The following PPP1R9A variants were observed in gnomAD, a reference collection of about 807,000 sequenced individuals.
The protein encoded by PPP1R9A is neurabin-1.
PPP1R9A carries 59 observed loss-of-function variants against 141.9 expected under a neutral mutation model. That is an observed-to-expected ratio of 0.42 (90% CI 0.34 to 0.52). The LOEUF (loss-of-function observed/expected upper bound fraction) is 0.52, where lower values mean the gene tolerates loss of function less well. Among genes scored for constraint, PPP1R9A ranks in the 20% least tolerant of loss-of-function variants. The pLI is 0.10. For missense variants in PPP1R9A, 1,444 were observed against 1,611.9 expected, an observed-to-expected ratio of 0.90 and a Z score of 1.78; for synonymous variants, 500 against 569.7, an observed-to-expected ratio of 0.88 and a Z score of 1.74.
At position 95,137,353 on chromosome 7, in the gene PPP1R9A, C is replaced by G. The variant is rs190656156; in HGVS notation, c.1649+16521C>G. On this transcript the variant is annotated intron_variant, in intron 4 of 19. Transcript: ENST00000433360. ...TGGGGTGTTTGGTTTTTTGTCCTTGCGATAGTTTGCTGAGAATGATGGTTT... is the reference window on the plus strand; with the variant it reads ...TGGGGTGTTTGGTTTTTTGTCCTTGGGATAGTTTGCTGAGAATGATGGTTT... Among the ~76,000 whole-genome samples, 27 of 132,318 alleles carry G rather than the reference C, an allele frequency of 2.0e-4. No individual in the cohort carries two copies. In the South Asian group the frequency reaches 2.6e-3, roughly 13 times the overall value. The allele number at this position is 132,318 out of a possible 152,430, so 86.8% of individuals were successfully genotyped here. A position where few individuals can be genotyped will look rare whatever the true frequency, so the allele number is the denominator to read the frequency against.
At chr7:94,929,238 C>T (rs1409083726) in intron 2 of PPP1R9A, among the ~76,000 whole-genome samples, 2 of 152,148 alleles carry the variant, frequency 1.3e-5, no homozygotes, top group Non-Finnish European at 2.9e-5. Context: ...TATTAGAATA[C>T]ATCTCCCAAG....
At chr7:95,001,520 A>T (rs899988225) in intron 2 of PPP1R9A, among the ~76,000 whole-genome samples, 2 of 152,216 alleles carry the variant, frequency 1.3e-5, no homozygotes, top group Non-Finnish European at 2.9e-5. Context: ...TGAAAATCTT[A>T]AGAGATCCAA....
intron 3 of PPP1R9A, 39 bp from the exon 4 acceptor site, chr7:95,120,673 T>C: frequency 6.2e-7 from 1 of 1,603,470 alleles, no homozygotes; most frequent in South Asian, 1.1e-5. Context: ...GTGTAAAACT[T>C]AAGTTGTTTC....
In PPP1R9A at chr7:95,022,026, A is replaced by T. The variant is rs539848631; in HGVS notation, c.1396-89233A>T. On this transcript the variant is annotated intron_variant, in intron 2 of 19. Transcript: ENST00000433360. Reference sequence around the variant, plus strand: ...TGTGAAGAAAGTCAATGGTAGCTTGATGGGAATCACACTGAATCTATAAAT... The same window carrying T: ...TGTGAAGAAAGTCAATGGTAGCTTGTTGGGAATCACACTGAATCTATAAAT... Among the ~76,000 whole-genome samples the T allele has an allele frequency of 1.8e-4, 27 of 152,278 alleles. 1 individual carries two copies. The highest frequency in any genetic ancestry group is 6.5e-4 in the Admixed American group (10 of 15,294).
intron 2 of PPP1R9A, among the ~76,000 whole-genome samples, chr7:95,082,766 CTTTTTTT>C (rs1159814204): frequency 2.7e-5 from 3 of 109,506 alleles, no homozygotes; most frequent in East Asian, 3.9e-4. Flanking sequence ...GAAGGGATTT[CTTTTTTT>C]TTTTTTTTTT....
intron 2 of PPP1R9A, among the ~76,000 whole-genome samples, chr7:94,970,750 C>T (rs931557887): frequency 6.6e-6 from 1 of 151,754 alleles, no homozygotes; most frequent in Non-Finnish European, 1.5e-5. Context: ...ATTCTTCTGC[C>T]TCAGTCTCCT....
intron 2 of PPP1R9A, among the ~76,000 whole-genome samples, chr7:95,023,191 C>T (rs1342155070): frequency 1.3e-5 from 2 of 152,050 alleles, no homozygotes; most frequent in African/African-American, 4.8e-5. Flanking sequence ...TCGAATTCTT[C>T]CTTGTTTAGA....
intron 2 of PPP1R9A, among the ~76,000 whole-genome samples, chr7:94,995,942 A>T (rs183343424): frequency 6.6e-6 from 1 of 152,270 alleles, no homozygotes; most frequent in East Asian, 1.9e-4. Flanking sequence ...CACTTAAGTT[A>T]TATAGAAATA....
At chr7:95,239,053 C>CT (rs752911051) in intron 8 of PPP1R9A, among the ~76,000 whole-genome samples, 159 of 151,844 alleles carry the variant, frequency 1.0e-3, no homozygotes, top group Non-Finnish European at 2.0e-3. Flanking sequence ...TCAAGTTTTT[C>CT]TTTTTTTGAA....
At chr7:95,275,881 C>G (rs1363071853) in intron 16 of PPP1R9A, among the ~76,000 whole-genome samples, 1 of 152,078 alleles carries the variant, frequency 6.6e-6, no homozygotes, top group Non-Finnish European at 1.5e-5. Flanking sequence ...TGTGGCTTTC[C>G]TTTATACTGT....
intron 2 of PPP1R9A, among the ~76,000 whole-genome samples, chr7:94,938,061 C>T (rs1265366504): frequency 6.6e-6 from 1 of 152,114 alleles, no homozygotes; most frequent in Non-Finnish European, 1.5e-5. Flanking sequence ...AACAGGGGTC[C>T]TCAGACCCTG....
At chr7:95,218,136 C>T (rs1202152850) in intron 7 of PPP1R9A, among the ~76,000 whole-genome samples, 3 of 151,226 alleles carry the variant, frequency 2.0e-5, no homozygotes, top group Non-Finnish European at 4.4e-5. Context: ...CTACACACTG[C>T]AAATGTGTCC....
At position 95,252,114 on chromosome 7, in the gene PPP1R9A, A is replaced by T; in HGVS notation, c.2649A>T (p.Gln883His). 6.3e-7 allele frequency: 1 copy of T among 1,597,684 alleles called. No individual in the cohort carries two copies. Among genetic ancestry groups the T allele is most frequent in the Non-Finnish European group, 8.5e-7 (1 of 1,175,334 alleles). ...ENLDGKQTSCQDGLSQDLNEA... is the reference protein window; with the variant it reads ...ENLDGKQTSCHDGLSQDLNEA... The stretch of plus-strand genomic sequence containing the variant: ...TGGATGGCAAGCAGACATCTTGCCA[A>T]GATGGCCTAAGTCAAGGTTTGTTTA... Residue 883 changes from glutamine (Q) to histidine (H), a missense_variant, in exon 12 of 20, where the codon CAA becomes CAT. This residue lies in a region of PPP1R9A where 488 missense variants were observed against 542.0 expected (regional missense o/e 0.90). Transcript: ENST00000433360.
intron 8 of PPP1R9A, among the ~76,000 whole-genome samples, chr7:95,229,519 G>A (rs1041561421): frequency 4.6e-5 from 7 of 151,816 alleles, no homozygotes; most frequent in Non-Finnish European, 8.8e-5. Flanking sequence ...CCCTGGTGGC[G>A]TATATGACTC....
intron 2 of PPP1R9A, among the ~76,000 whole-genome samples, chr7:95,023,167 G>A (rs1352460967): frequency 2.0e-5 from 3 of 152,100 alleles, no homozygotes; most frequent in Admixed American, 2.0e-4. Flanking sequence ...CTTGTTATTG[G>A]TCTATTCAGT....
intron 2 of PPP1R9A, among the ~76,000 whole-genome samples, chr7:95,012,164 A>G (rs1804515411): frequency 6.6e-6 from 1 of 152,120 alleles, no homozygotes; most frequent in South Asian, 2.1e-4. Context: ...TAAAGAAAAG[A>G]GGTTTAATTG....
chr7:95,060,383 A>G (rs940060836), intron 2 of PPP1R9A, among the ~76,000 whole-genome samples: 1 of 152,194 alleles, frequency 6.6e-6, no homozygotes, highest in Non-Finnish European at 1.5e-5. Flanking sequence ...TTATGGAACC[A>G]GGGATTAAGG....
At chr7:95,239,973 A>G (rs1797220181) in intron 8 of PPP1R9A, among the ~76,000 whole-genome samples, 1 of 152,066 alleles carries the variant, frequency 6.6e-6, no homozygotes, top group Non-Finnish European at 1.5e-5. Context: ...AGATATTTAC[A>G]ACAGATAGTT....
At chr7:95,270,416 T>C (rs138664054) in intron 14 of PPP1R9A, among the ~76,000 whole-genome samples, 2 of 152,172 alleles carry the variant, frequency 1.3e-5, no homozygotes, top group South Asian at 2.1e-4. Context: ...CTAACAGGAG[T>C]TGGCGATTTT....
Sources: allele counts gnomAD v4.1 joint callset (sites outside exome capture counted in the v4.1 genomes callset), GRCh38; gene constraint gnomAD v4.1.1; regional missense constraint gnomAD v4.1.1; transcripts MANE v1.5; gene names NCBI Gene and HGNC (gene_info 2026-07-23, HGNC 2026-07-21).